The following MYBPC1 variants were observed in gnomAD, a reference collection of about 807,000 sequenced individuals.
The protein encoded by MYBPC1 is myosin binding protein C1, also known as myosin-binding protein C, slow-type.
A neutral mutation model predicts 147.1 loss-of-function variants in MYBPC1; 52 were observed. That is an observed-to-expected ratio of 0.35 (90% CI 0.28 to 0.45). The LOEUF is 0.45. Among genes scored for constraint, MYBPC1 ranks in the 20% least tolerant of loss-of-function variants. The pLI is 1.00. For missense variants in MYBPC1, 1,228 were observed against 1,440.3 expected (o/e 0.85, Z 2.39); for synonymous variants, 477 against 475.9 (o/e 1.00, Z -0.03).
At chr12:101,650,893 T>C in intron 15 of MYBPC1, 1 of 352,814 alleles carries the variant, frequency 2.8e-6, no homozygotes, top group South Asian at 2.4e-5. Flanking sequence ...ATCTGATGAG[T>C]AGTTGTGACC....
chr12:101,605,273 A>T (rs942377241), intron 1 of MYBPC1, among the ~76,000 whole-genome samples: 1 of 152,206 alleles, frequency 6.6e-6, no homozygotes, highest in Non-Finnish European at 1.5e-5. Context: ...AATCAATGTA[A>T]GGTTTTTATT....
At chr12:101,637,394 T>G (rs1242291204) in intron 10 of MYBPC1, among the ~76,000 whole-genome samples, 5 of 152,100 alleles carry the variant, frequency 3.3e-5, no homozygotes, top group African/African-American at 1.2e-4. Flanking sequence ...AACATAACCA[T>G]TTTATAAGAT....
intron 24 of MYBPC1, among the ~76,000 whole-genome samples, chr12:101,672,681 C>T (rs1222346306): frequency 3.9e-5 from 6 of 152,032 alleles, no homozygotes; most frequent in Non-Finnish European, 8.8e-5. Flanking sequence ...AACCCTGTTT[C>T]TACTAACAAC....
chr12:101,598,645 C>T (rs1311742280), intron 1 of MYBPC1, among the ~76,000 whole-genome samples: 26 of 152,126 alleles, frequency 1.7e-4, no homozygotes, highest in Admixed American at 1.7e-3. Context: ...GCAATCATGG[C>T]TCACTGCAAA....
intron 3 of MYBPC1, among the ~76,000 whole-genome samples, chr12:101,619,536 A>G (rs1267668918): frequency 1.3e-5 from 2 of 152,214 alleles, no homozygotes; most frequent in African/African-American, 4.8e-5. Context: ...ATGCTGGCTT[A>G]GCTGCTGACC....
chr12:101,636,726 T>C lies in MYBPC1; in HGVS notation c.663T>C (p.Arg221=), dbSNP rs1891055748. 3 of 1,613,356 alleles carry C rather than the reference T, an allele frequency of 1.9e-6. No homozygotes were observed. Among genetic ancestry groups the C allele is most frequent in the Non-Finnish European group, 2.5e-6 (3 of 1,179,340 alleles). ...TTGACTTTAGTGGTCTCCTGAAACG[T>C]AGGTGAGAACAAAGTGATGGAGTGA... ...GELDFSGLLK[R]REVKQQEEEP... The change falls in exon 10 of 32, where the codon CGT becomes CGC. Residue 221 remains arginine (R), a splice_region_variant and synonymous_variant. Transcript: ENST00000361466.
chr12:101,667,713 T>G lies in MYBPC1; in HGVS notation c.2357-19T>G. ...AAACAGCATTCCTCCTTCTTTTCCT[T>G]TTCTTTTACGGACTTCAGCTGAGGA... On this transcript the variant is annotated intron_variant, in intron 22 of 31. Transcript: ENST00000361466. 1.2e-6 allele frequency: 2 copies of G among 1,614,154 alleles called. No individual in the cohort carries two copies. Among genetic ancestry groups the G allele is most frequent in the Non-Finnish European group, 1.7e-6 (2 of 1,180,010 alleles).
At chr12:101,642,082 T>C (rs990794088) in intron 10 of MYBPC1, among the ~76,000 whole-genome samples, 1 of 152,232 alleles carries the variant, frequency 6.6e-6, no homozygotes, top group African/African-American at 2.4e-5. Flanking sequence ...GTTAAGTTTC[T>C]CAAAATCCCA....
At chr12:101,687,756 C>A (rs879287213), downstream of MYBPC1, among the ~76,000 whole-genome samples, 1 of 152,194 alleles carries the variant, frequency 6.6e-6, no homozygotes, top group Non-Finnish European at 1.5e-5. Context: ...ATACTCTGAG[C>A]ACTTTGGCCA....
Position 101,614,325 on chromosome 12 carries a change from TGAGA to T in MYBPC1, c.26-152_26-149del, listed in dbSNP as rs1024538361. Among the ~76,000 whole-genome samples the T allele has an allele frequency of 7.6e-4, 107 of 140,126 alleles. 2 individuals carry two copies. The highest frequency in any genetic ancestry group is 2.0e-3 in the African/African-American group (75 of 37,512). The allele number at this position is 140,126 out of a possible 152,430, so 91.9% of individuals were successfully genotyped here. ...ATGCAGTAGGGTGTGTGTGTGTGTG[TGAGA>T]GAGAGAGAGAGAGAGAGAAGAGAGA... On this transcript the variant is annotated intron_variant, in intron 1 of 31. Transcript: ENST00000361466.
chr12:101,674,862 C>CAA (rs62824364), intron 25 of MYBPC1, among the ~76,000 whole-genome samples: 2,234 of 57,404 alleles, frequency 0.039, 51 homozygotes, highest in African/African-American at 0.083. Flanking sequence ...ACTCTGTCTC[C>CAA]AAAAAAAAAA....
At chr12:101,633,690 A>C (rs982041472) in intron 8 of MYBPC1, among the ~76,000 whole-genome samples, 2 of 133,344 alleles carry the variant, frequency 1.5e-5, no homozygotes, top group South Asian at 3.1e-4. Flanking sequence ...CCGTCTCAAC[A>C]AAAAAAAAAA....
At chr12:101,631,902 G>A in intron 7 of MYBPC1, 119 bp from the exon 8 acceptor site, 1 of 1,274,304 alleles carries the variant, frequency 7.8e-7, no homozygotes, top group Non-Finnish European at 1.1e-6. Flanking sequence ...GGACACATTT[G>A]CCCTCCTATA....
downstream of MYBPC1, among the ~76,000 whole-genome samples, chr12:101,689,409 C>T (rs187201599): frequency 6.6e-6 from 1 of 152,316 alleles, no homozygotes; most frequent in East Asian, 1.9e-4. Flanking sequence ...CAAGCAAAAG[C>T]AGTTCTTTTA....
intron 18 of MYBPC1, 152 bp downstream of exon 18, chr12:101,653,400 G>T (rs1894925072): frequency 1.4e-5 from 16 of 1,139,852 alleles, no homozygotes; most frequent in Non-Finnish European, 2.0e-5. Context: ...GAAAAAGAAA[G>T]ATGACTGATT....
chr12:101,694,838 G>T, the MYBPC1 span, among the ~76,000 whole-genome samples: 2 of 149,802 alleles, frequency 1.3e-5, no homozygotes, highest in African/African-American at 5.0e-5. Flanking sequence ...ATTTTTTACT[G>T]CCATATTAAA....
At chr12:101,659,212 A>T (rs1178758135) in intron 18 of MYBPC1, among the ~76,000 whole-genome samples, 2 of 152,248 alleles carry the variant, frequency 1.3e-5, no homozygotes, top group Admixed American at 1.3e-4. Flanking sequence ...AATTTTCCAA[A>T]CATCTAAGAA....
Position 101,610,433 on chromosome 12 carries a change from C to T in MYBPC1, c.26-4063C>T, listed in dbSNP as rs368643173. Among the ~76,000 whole-genome samples, 205 of 152,268 alleles carry T rather than the reference C, an allele frequency of 1.3e-3. 3 individuals are homozygous for T. The South Asian group carries it at 0.017, about 13-fold the overall frequency. ...TCAGTCCCCATCCCAAATGCAAACA[C>T]GTTTTAACACATGCAGCTCACAGAC... On this transcript the variant is annotated intron_variant, in intron 1 of 31. Coordinates refer to ENST00000361466, the MANE Select transcript of MYBPC1 (RefSeq NM_002465.4).
chr12:101,647,973 G>A (rs1893575950), intron 13 of MYBPC1, 72 bp from the exon 14 acceptor site: 1 of 1,250,656 alleles, frequency 8.0e-7, no homozygotes. Context: ...TTTTTCATCT[G>A]TGAAGAAATC....
Sources: gnomAD v4.1 joint callset for allele counts (sites outside exome capture counted in the v4.1 genomes callset) on GRCh38, gnomAD v4.1.1 for gene constraint, MANE v1.5 for transcripts, NCBI Gene and HGNC (gene_info 2026-07-23, HGNC 2026-07-21) for gene names.